ATP11B: variants seen among roughly 807,000 people sequenced by gnomAD.
The protein encoded by ATP11B is ATPase phospholipid transporting 11B (putative).
In ATP11B, 81 loss-of-function variants were observed where a neutral mutation model predicts 157.8. That is an observed-to-expected ratio of 0.51 (90% CI 0.43 to 0.62). The LOEUF is 0.62. ATP11B is among the 20% of genes least tolerant of loss of function. The probability of loss-of-function intolerance (pLI) is 0.00; values close to 1 mark genes in which losing one functional copy is unlikely to be tolerated. For missense variants in ATP11B, 1,165 were observed against 1,402.2 expected (o/e 0.83, Z 2.70); for synonymous variants, 451 against 469.4 (o/e 0.96, Z 0.51).
At chr3:182,814,330 G>T (rs1176412964) in intron 1 of ATP11B, among the ~76,000 whole-genome samples, 1 of 152,066 alleles carries the variant, frequency 6.6e-6, no homozygotes, top group African/African-American at 2.4e-5. Context: ...CTCCCAAAGT[G>T]CTGAGATTAC....
intron 1 of ATP11B, among the ~76,000 whole-genome samples, chr3:182,815,680 T>C (rs1336490479): frequency 6.6e-6 from 1 of 152,180 alleles, no homozygotes; most frequent in Non-Finnish European, 1.5e-5. Context: ...TTTTTCTTTC[T>C]GTCATAGAGC....
At chr3:182,916,504 G>A in intron 29 of ATP11B, 1 of 985,282 alleles carries the variant, frequency 1.0e-6, no homozygotes, top group African/African-American at 1.7e-5. Context: ...CAGTTTCAAA[G>A]AGAGCATCAT....
chr3:182,837,801 CAG>C (rs1718670473), intron 7 of ATP11B, among the ~76,000 whole-genome samples: 1 of 151,988 alleles, frequency 6.6e-6, no homozygotes, highest in Non-Finnish European at 1.5e-5. Context: ...GAGAAAGGAA[CAG>C]AGGAACTAAC....
At chr3:182,799,687 G>A (rs982825056) in intron 1 of ATP11B, among the ~76,000 whole-genome samples, 2 of 152,104 alleles carry the variant, frequency 1.3e-5, no homozygotes, top group African/African-American at 2.4e-5. Context: ...GGAAGTAAAC[G>A]TGTATTTTTT....
At chr3:182,829,789 T>C in intron 4 of ATP11B, 37 bp downstream of exon 4, 1 of 1,497,340 alleles carries the variant, frequency 6.7e-7, no homozygotes, top group Non-Finnish European at 9.1e-7. Context: ...TTCCTCTAAG[T>C]CATTTAGAAG....
chr3:182,798,439 G>C (rs1467923057), intron 1 of ATP11B, among the ~76,000 whole-genome samples: 1 of 152,114 alleles, frequency 6.6e-6, no homozygotes, highest in Non-Finnish European at 1.5e-5. Context: ...TATTTTTTTT[G>C]TGGATAAGTT....
chr3:182,886,051 A>C (rs999438755), intron 23 of ATP11B, 41 bp downstream of exon 23: 2 of 1,318,822 alleles, frequency 1.5e-6, no homozygotes, highest in African/African-American at 3.1e-5. Context: ...TTGTCCTTTT[A>C]GAGTAACGTA....
At position 182,799,202 on chromosome 3, in the gene ATP11B, G is replaced by C. The variant is rs567982566; in HGVS notation, c.27+5416G>C. Among the ~76,000 whole-genome samples the C allele has an allele frequency of 1.3e-4, 20 of 152,102 alleles. No homozygotes were observed. The East Asian group carries it at 3.9e-3, about 29-fold the overall frequency. ...ATTTATCAAGTCAACATCGACTGCT[G>C]TGGGGTTCTAGATTTAGCCATGCTG... On this transcript the variant is annotated intron_variant, in intron 1 of 29. Transcript: ENST00000323116.
At chr3:182,874,394 A>G (rs992283603) in intron 19 of ATP11B, among the ~76,000 whole-genome samples, 4 of 152,174 alleles carry the variant, frequency 2.6e-5, no homozygotes, top group African/African-American at 9.7e-5. Context: ...ATATAATGTG[A>G]TAGTGTTTGG....
At chr3:182,881,767 A>G (rs754511573) in intron 21 of ATP11B, among the ~76,000 whole-genome samples, 2 of 152,098 alleles carry the variant, frequency 1.3e-5, no homozygotes, top group African/African-American at 2.4e-5. Flanking sequence ...TGTGATTTAC[A>G]TAGTTGCACT....
At chr3:182,817,766 G>A (rs1032982508) in intron 1 of ATP11B, among the ~76,000 whole-genome samples, 2 of 151,462 alleles carry the variant, frequency 1.3e-5, no homozygotes, top group African/African-American at 2.4e-5. Context: ...AGGTGTTGCT[G>A]TAGTTATCTT....
intron 25 of ATP11B, among the ~76,000 whole-genome samples, chr3:182,893,946 T>A (rs1723344879): frequency 6.6e-6 from 1 of 152,216 alleles, no homozygotes; most frequent in African/African-American, 2.4e-5. Flanking sequence ...TGATGTTGAG[T>A]ATTTTCTCAT....
intron 25 of ATP11B, among the ~76,000 whole-genome samples, chr3:182,895,315 T>C (rs1375706208): frequency 6.6e-6 from 1 of 151,962 alleles, no homozygotes; most frequent in African/African-American, 2.4e-5. Context: ...ACAAATACAT[T>C]CCCCAAATGC....
chr3:182,834,653 C>CTT (rs1360287376), intron 4 of ATP11B, among the ~76,000 whole-genome samples: 1 of 152,162 alleles, frequency 6.6e-6, no homozygotes, highest in Non-Finnish European at 1.5e-5. Context: ...CATAGGAAGT[C>CTT]TTTTCCACTT....
chr3:182,883,103 A>C (rs1722538978), intron 21 of ATP11B, among the ~76,000 whole-genome samples: 1 of 152,214 alleles, frequency 6.6e-6, no homozygotes, highest in African/African-American at 2.4e-5. Flanking sequence ...TACTCCAAAC[A>C]AAATTTTAAA....
intron 1 of ATP11B, among the ~76,000 whole-genome samples, chr3:182,803,273 C>T (rs1163621621): frequency 6.6e-6 from 1 of 152,148 alleles, no homozygotes; most frequent in Non-Finnish European, 1.5e-5. Flanking sequence ...GAAATAGTGT[C>T]TCATTTTGTT....
intron 1 of ATP11B, among the ~76,000 whole-genome samples, chr3:182,808,588 A>G (rs1399925865): frequency 1.3e-5 from 2 of 152,146 alleles, no homozygotes; most frequent in Non-Finnish European, 2.9e-5. Flanking sequence ...CATGGGTTCC[A>G]TAATGATGAT....
At chr3:182,865,212 T>C (rs1288156672) in intron 12 of ATP11B, among the ~76,000 whole-genome samples, 1 of 152,168 alleles carries the variant, frequency 6.6e-6, no homozygotes, top group African/African-American at 2.4e-5. Context: ...CAGATAAACA[T>C]GTACGTAAAG....
At chr3:182,827,939 GA>G (rs1717837637) in intron 2 of ATP11B, among the ~76,000 whole-genome samples, 180 bp from the exon 3 acceptor site, 1 of 151,552 alleles carries the variant, frequency 6.6e-6, no homozygotes, top group Non-Finnish European at 1.5e-5. Flanking sequence ...GTAAAAGGAA[GA>G]AAAAAGGGAA....
Sources: gnomAD v4.1 joint callset for allele counts (sites outside exome capture counted in the v4.1 genomes callset) on GRCh38, gnomAD v4.1.1 for gene constraint, MANE v1.5 for transcripts, NCBI Gene and HGNC (gene_info 2026-07-23, HGNC 2026-07-21) for gene names.